The following IRAK2 variants were observed in gnomAD, a reference collection of about 807,000 sequenced individuals.
IRAK2 encodes interleukin 1 receptor associated kinase 2.
A neutral mutation model predicts 72.0 loss-of-function variants in IRAK2; 57 were observed. That is an observed-to-expected ratio of 0.79 (90% CI 0.64 to 0.99). The LOEUF (loss-of-function observed/expected upper bound fraction) is 0.99. Among genes scored for constraint, IRAK2 ranks in the 50% least tolerant of loss-of-function variants. The pLI is 0.00. For synonymous variants in IRAK2, 293 were observed against 312.7 expected (o/e 0.94, Z 0.67); for missense variants, 790 against 794.4 (o/e 0.99, Z 0.07).
At chr3:10,221,475 G>T (rs752565786) in intron 8 of IRAK2, among the ~76,000 whole-genome samples, 1 of 151,046 alleles carries the variant, frequency 6.6e-6, no homozygotes, top group Non-Finnish European at 1.5e-5. Context: ...TGATGGTCTC[G>T]ATCTCCTGAC....
chr3:10,211,470 A>C (rs75694002), intron 4 of IRAK2, among the ~76,000 whole-genome samples: 1 of 152,000 alleles, frequency 6.6e-6, no homozygotes, highest in Non-Finnish European at 1.5e-5. Context: ...TTTAAAAAAT[A>C]AGCCAGGCGT....
chr3:10,224,146 G>A (rs1428669523), intron 9 of IRAK2, among the ~76,000 whole-genome samples: 6 of 152,094 alleles, frequency 3.9e-5, no homozygotes, highest in Non-Finnish European at 8.8e-5. Flanking sequence ...AGACCAACCT[G>A]GCCAACATGG....
At chr3:10,225,918 C>A (rs1697768345) in intron 9 of IRAK2, among the ~76,000 whole-genome samples, 1 of 152,060 alleles carries the variant, frequency 6.6e-6, no homozygotes, top group Admixed American at 6.6e-5. Flanking sequence ...CCAGGATGGT[C>A]TCGATCTCCT....
At chr3:10,169,133 G>C (rs1012751625) in intron 1 of IRAK2, among the ~76,000 whole-genome samples, 1 of 152,148 alleles carries the variant, frequency 6.6e-6, no homozygotes, top group African/African-American at 2.4e-5. Context: ...AAAAGGGGAG[G>C]GGTGTACGAA....
At chr3:10,206,859 CA>C (rs1011831757) in intron 3 of IRAK2, among the ~76,000 whole-genome samples, 1 of 14,212 alleles carries the variant, frequency 7.0e-5, no homozygotes, top group African/African-American at 3.0e-4. Context: ...CTGGCCAAAA[CA>C]AATTTTTTTT....
chr3:10,169,748 CA>C (rs1286922293), intron 1 of IRAK2, among the ~76,000 whole-genome samples: 5 of 152,110 alleles, frequency 3.3e-5, no homozygotes, highest in Non-Finnish European at 7.3e-5. Flanking sequence ...ACAGTTAATG[CA>C]ATCATCACAG....
chr3:10,206,656 A>C (rs1697438149), intron 3 of IRAK2, among the ~76,000 whole-genome samples: 1 of 151,560 alleles, frequency 6.6e-6, no homozygotes, highest in South Asian at 2.1e-4. Flanking sequence ...CCCAGGTTTA[A>C]GCGATTCTTG....
intron 4 of IRAK2, among the ~76,000 whole-genome samples, chr3:10,211,054 G>A (rs1310964279): frequency 6.6e-6 from 1 of 151,882 alleles, no homozygotes; most frequent in African/African-American, 2.4e-5. Context: ...GTGGAGACAG[G>A]GTTTCGCCAT....
intron 9 of IRAK2, among the ~76,000 whole-genome samples, chr3:10,225,265 C>A (rs1697755679): frequency 6.6e-6 from 1 of 152,142 alleles, no homozygotes; most frequent in South Asian, 2.1e-4. Context: ...GTGGGGTCTT[C>A]ACACCTTTAA....
chr3:10,172,701 G>A (rs1288399955), intron 1 of IRAK2, among the ~76,000 whole-genome samples: 1 of 150,164 alleles, frequency 6.7e-6, no homozygotes, highest in Non-Finnish European at 1.5e-5. Flanking sequence ...AGCTGGGCAT[G>A]GTGGCACATG....
rs535822772 is a variant in IRAK2, at chr3:10,206,234, C to T, written c.425-3355C>T. Among the ~76,000 whole-genome samples the T allele has an allele frequency of 7.2e-5, 11 of 152,346 alleles. No individual in the cohort carries two copies. In the South Asian group the frequency reaches 2.3e-3, roughly 32 times the overall value. ...TGTCCGTTGGCCATCACAGTCCTAT[C>T]TGCCTAGTGTACCCTCTGCACACAG... On this transcript the variant is annotated intron_variant, in intron 3 of 12. Coordinates refer to ENST00000256458, the MANE Select transcript of IRAK2 (RefSeq NM_001570.4).
At chr3:10,172,370 A>C (rs1259942161) in intron 1 of IRAK2, among the ~76,000 whole-genome samples, 1 of 151,206 alleles carries the variant, frequency 6.6e-6, no homozygotes, top group Non-Finnish European at 1.5e-5. Context: ...CCGTCTCAAA[A>C]AAACAAACAA....
At chr3:10,231,794 T>G (rs527530789) in intron 10 of IRAK2, among the ~76,000 whole-genome samples, 1 of 152,168 alleles carries the variant, frequency 6.6e-6, no homozygotes, top group Non-Finnish European at 1.5e-5. Flanking sequence ...ACATTACAGG[T>G]GTGAACCACC....
chr3:10,186,037 T>C lies in IRAK2; in HGVS notation c.277+8017T>C, dbSNP rs1055270667. 1.3e-5 allele frequency among the ~76,000 whole-genome samples: 2 copies of C among 151,404 alleles called. 1 individual carries two copies. Among genetic ancestry groups the C allele is most frequent in the African/African-American group, 4.9e-5 (2 of 40,738 alleles). ...ATGAGCCAAGATTGTGCCACTGCAC[T>C]TCAGCCTGGGTGACAGAGCAAGACT... is the stretch of plus-strand genomic sequence containing the variant. On this transcript the variant is annotated intron_variant, in intron 2 of 12. Transcript: ENST00000256458.
intron 12 of IRAK2, among the ~76,000 whole-genome samples, chr3:10,241,132 G>A: frequency 6.6e-6 from 1 of 151,728 alleles, no homozygotes. Flanking sequence ...CATTACAGCT[G>A]GGTGCAGTGG....
chr3:10,242,155 A>G lies in IRAK2; in HGVS notation c.1805A>G (p.Lys602Arg), dbSNP rs1698071078. Residue 602 changes from lysine (K) to arginine (R), a missense_variant, in exon 13 of 13, where the codon AAA (lysine) becomes AGA (arginine). Transcript: ENST00000256458. The part of the protein sequence containing the change: ...TSWQIEINEA[K>R]RKLMENILLY... ...TGGCAAATTGAGATCAATGAGGCCA[A>G]AAGGAAACTGATGGAGAATATTCTG... is the stretch of plus-strand genomic sequence containing the variant. 6.2e-7 allele frequency: 1 copy of G among 1,613,868 alleles called. No individual in the cohort carries two copies. The highest frequency in any genetic ancestry group is 8.5e-7 in the Non-Finnish European group (1 of 1,179,826).
intron 1 of IRAK2, among the ~76,000 whole-genome samples, chr3:10,173,066 A>G (rs1696822309): frequency 6.6e-6 from 1 of 152,054 alleles, no homozygotes; most frequent in South Asian, 2.1e-4. Context: ...TGTGTTAAGC[A>G]CTGTTCTGAG....
At chr3:10,181,970 C>CTTTT (rs376518112) in intron 2 of IRAK2, among the ~76,000 whole-genome samples, 1 of 131,826 alleles carries the variant, frequency 7.6e-6, no homozygotes. Context: ...TTTTTCTTTT[C>CTTTT]TTTTTTTTTT....
chr3:10,212,989 T>C (rs572689120), intron 4 of IRAK2, among the ~76,000 whole-genome samples: 141 of 152,062 alleles, frequency 9.3e-4, no homozygotes, highest in African/African-American at 2.6e-3. Context: ...AGGATGGTCT[T>C]GATCTCCTGA....
Sources: allele counts gnomAD v4.1 joint callset (sites outside exome capture counted in the v4.1 genomes callset), GRCh38; gene constraint gnomAD v4.1.1; transcripts MANE v1.5; gene names NCBI Gene and HGNC (gene_info 2026-07-23, HGNC 2026-07-21).